SLC25A36: variants seen among roughly 807,000 people sequenced by gnomAD.
SLC25A36 encodes the protein solute carrier family 25 member 36.
A neutral mutation model predicts 35.3 loss-of-function variants in SLC25A36; 24 were observed. The observed-to-expected ratio is 0.68, with a 90% CI of 0.49 to 0.96. SLC25A36 has a LOEUF of 0.96. Ranked by LOEUF, SLC25A36 falls within the 40% of genes least tolerant of loss-of-function variation. The probability of loss-of-function intolerance (pLI) is 0.00; values close to 1 mark genes in which losing one functional copy is unlikely to be tolerated. For synonymous variants in SLC25A36, 141 were observed against 132.2 expected, an observed-to-expected ratio of 1.07 and a Z score of -0.46; for missense variants, 294 against 381.1, an observed-to-expected ratio of 0.77 and a Z score of 1.90.
At chr3:140,956,883 T>C in intron 2 of SLC25A36, 192 bp downstream of exon 2, 1 of 938,664 alleles carries the variant, frequency 1.1e-6, no homozygotes. Flanking sequence ...AGATAAAGTG[T>C]AATTTTACTT....
intron 3 of SLC25A36, among the ~76,000 whole-genome samples, chr3:140,962,799 G>A (rs1212402682): frequency 6.6e-6 from 1 of 150,884 alleles, no homozygotes; most frequent in Non-Finnish European, 1.5e-5. Context: ...TTATTATTTT[G>A]TTTTTATTTT....
intron 4 of SLC25A36, chr3:140,968,401 T>G: frequency 1.0e-6 from 1 of 956,670 alleles, no homozygotes; most frequent in Non-Finnish European, 1.2e-6. Flanking sequence ...GCAACCATAG[T>G]AAACATAGCT....
intron 1 of SLC25A36, among the ~76,000 whole-genome samples, chr3:140,948,669 T>C (rs1240976115): frequency 6.6e-6 from 1 of 152,230 alleles, no homozygotes; most frequent in Non-Finnish European, 1.5e-5. Flanking sequence ...CATCAGAAAA[T>C]ATTTTGTTCA....
chr3:140,976,367 C>A lies in SLC25A36; in HGVS notation c.850C>A (p.Leu284Met). 6.2e-7 allele frequency: 1 copy of A among 1,613,818 alleles called. No individual in the cohort carries two copies. Among genetic ancestry groups the A allele is most frequent in the South Asian group, 1.1e-5 (1 of 91,030 alleles). The stretch of plus-strand genomic sequence containing the variant: ...AGGTTATGGGTCTCTTTATCGTGGT[C>A]TGACAACTCATCTAGTGAGACAGAT... ...EEGYGSLYRG[L>M]TTHLVRQIPN... The change falls in exon 7 of 7, where the codon CTG becomes ATG. Residue 284 changes from leucine to methionine, a missense_variant. By Grantham distance (15) the Leu-to-Met change is conservative. Around this residue, in one of 2 missense-constraint regions of SLC25A36, gnomAD observed 109 missense variants for 179.7 expected, o/e 0.61. Transcript: ENST00000324194.
rs200860868 is a variant in SLC25A36 at position 140,976,477 on chromosome 3, A to G, written c.*24A>G. On this transcript the variant is annotated 3_prime_UTR_variant, in exon 7 of 7. Transcript: ENST00000324194. ...AGCAGCACGAGGACTGCTGTACTGC[A>G]AAAAAAGAAGACCAAAAGATTACAG... The G allele has an allele frequency of 1.5e-5, 24 of 1,563,440 alleles. No homozygotes were observed. The East Asian group carries it at 1.8e-4, about 12-fold the overall frequency.
intron 5 of SLC25A36, among the ~76,000 whole-genome samples, chr3:140,973,428 AGG>A (rs1934957032): frequency 6.6e-6 from 1 of 152,166 alleles, no homozygotes; most frequent in Admixed American, 6.6e-5. Flanking sequence ...TAGTTCCTAA[AGG>A]ATTTTGTTGC....
intron 1 of SLC25A36, among the ~76,000 whole-genome samples, chr3:140,952,510 C>T (rs950608808): frequency 6.6e-6 from 1 of 152,166 alleles, no homozygotes; most frequent in African/African-American, 2.4e-5. Context: ...TTTACCTTGT[C>T]TGTTGGTCTG....
rs1934011330 is a variant in SLC25A36 at position 140,941,966 on chromosome 3, G to A, written c.-89G>A. ...CCTCGCCGTCCCCGGGGCGCTGTGCGTCTCCAGTCCGGGACCGAAGCCGCC... is the reference window on the plus strand; with the variant it reads ...CCTCGCCGTCCCCGGGGCGCTGTGCATCTCCAGTCCGGGACCGAAGCCGCC... On this transcript the variant is annotated 5_prime_UTR_variant, in exon 1 of 7. Transcript: ENST00000324194. 2 of 719,120 alleles carry A rather than the reference G, an allele frequency of 2.8e-6. No homozygotes were observed. Among genetic ancestry groups the A allele is most frequent in the Non-Finnish European group, 4.6e-6 (2 of 432,206 alleles). 44.5% of individuals were successfully genotyped at this position (719,120 alleles called of 1,614,324 possible).
intron 1 of SLC25A36, among the ~76,000 whole-genome samples, chr3:140,949,859 C>T (rs1934271277): frequency 1.3e-5 from 2 of 152,188 alleles, no homozygotes; most frequent in South Asian, 2.1e-4. Context: ...AGCATCCAAC[C>T]TTGAACTATG....
chr3:140,950,914 GTGTC>G (rs1467286252), intron 1 of SLC25A36, among the ~76,000 whole-genome samples: 2,946 of 125,452 alleles, frequency 0.023, 50 homozygotes, highest in African/African-American at 0.061. Flanking sequence ...GTGTGTCTGT[GTGTC>G]TGTGTGTGTG....
chr3:140,970,879 G>A (rs943984487), intron 4 of SLC25A36, 48 bp from the exon 5 acceptor site: 3 of 834,520 alleles, frequency 3.6e-6, no homozygotes, highest in Non-Finnish European at 6.2e-6. Context: ...AAAGTTAATA[G>A]TGAATTCTTC....
At chr3:140,968,730 G>A in intron 4 of SLC25A36, 1 of 981,358 alleles carries the variant, frequency 1.0e-6, no homozygotes, top group Non-Finnish European at 1.2e-6. Flanking sequence ...CAGAAGCTTG[G>A]GTACTGCTTA....
intron 2 of SLC25A36, chr3:140,956,901 A>G: frequency 3.9e-6 from 3 of 775,660 alleles, no homozygotes; most frequent in Middle Eastern, 9.0e-4. Context: ...CTTCCAAATC[A>G]TGTGTATTTA....
At position 140,963,184 on chromosome 3, in the gene SLC25A36, T is replaced by A. The variant is rs779431429; in HGVS notation, c.342T>A (p.Asp114Glu). The change falls in exon 4 of 7, where the codon GAT becomes GAA. Residue 114 changes from aspartate to glutamate, a missense_variant. By Grantham distance (45) the Asp-to-Glu change is conservative. Coordinates refer to ENST00000324194, the MANE Select transcript of SLC25A36 (RefSeq NM_001104647.3). ...AGGAAAAGTTGAATGATGTATTTGATCCTGATTCTACCCAAGTACATATGA... is the reference window on the plus strand; with the variant it reads ...AGGAAAAGTTGAATGATGTATTTGAACCTGATTCTACCCAAGTACATATGA... ...NCKEKLNDVF[D>E]PDSTQVHMIS... 1 of 1,598,730 alleles carries A rather than the reference T, an allele frequency of 6.3e-7. No individual in the cohort carries two copies. The highest frequency in any genetic ancestry group is 1.1e-5 in the South Asian group (1 of 87,578).
intron 1 of SLC25A36, among the ~76,000 whole-genome samples, chr3:140,956,204 T>A (rs992546365): frequency 2.0e-5 from 3 of 152,190 alleles, no homozygotes; most frequent in African/African-American, 7.2e-5. Context: ...ACATGAGTAC[T>A]AAATCAAACC....
At chr3:140,968,729 G>C (rs1576486654) in intron 4 of SLC25A36, 1 of 981,502 alleles carries the variant, frequency 1.0e-6, no homozygotes, top group Non-Finnish European at 1.2e-6. Flanking sequence ...ACAGAAGCTT[G>C]GGTACTGCTT....
intron 1 of SLC25A36, among the ~76,000 whole-genome samples, chr3:140,950,144 G>T (rs1934280043): frequency 6.6e-6 from 1 of 152,068 alleles, no homozygotes; most frequent in Non-Finnish European, 1.5e-5. Context: ...TCAAAAGTCA[G>T]TGCTTACCTT....
chr3:140,958,570 G>T (rs1934539951), intron 2 of SLC25A36, among the ~76,000 whole-genome samples: 1 of 152,138 alleles, frequency 6.6e-6, no homozygotes, highest in African/African-American at 2.4e-5. Flanking sequence ...ACGGTTAACT[G>T]AGTGGCAGGA....
At chr3:140,964,080 T>C (rs1934700537) in intron 4 of SLC25A36, 1 of 152,028 alleles carries the variant, frequency 6.6e-6, no homozygotes, top group South Asian at 2.1e-4. Flanking sequence ...AAACTGTAGC[T>C]GCTTTCATCA....
Sources: allele counts gnomAD v4.1 joint callset (sites outside exome capture counted in the v4.1 genomes callset), GRCh38; gene constraint gnomAD v4.1.1; regional missense constraint gnomAD v4.1.1; transcripts MANE v1.5; gene names NCBI Gene and HGNC (gene_info 2026-07-23, HGNC 2026-07-21).